Variants in SEC14L1 observed in about 807,000 individuals in gnomAD.
The protein encoded by SEC14L1 is SEC14-like protein 1.
In SEC14L1, 48 loss-of-function variants were observed where a neutral mutation model predicts 85.3. The ratio of observed to expected loss-of-function variants is 0.56; its 90% CI spans 0.45 to 0.72. The LOEUF (loss-of-function observed/expected upper bound fraction) is 0.72, where lower values mean the gene tolerates loss of function less well. Ranked by LOEUF, SEC14L1 falls within the 30% of genes least tolerant of loss-of-function variation. SEC14L1 has a pLI of 0.00. For missense variants in SEC14L1, 682 were observed against 921.4 expected, an observed-to-expected ratio of 0.74 and a Z score of 3.36; for synonymous variants, 391 against 355.5, an observed-to-expected ratio of 1.10 and a Z score of -1.12.
In SEC14L1 at chr17:77,214,222, C is replaced by T; in HGVS notation, c.*199C>T. On this transcript the variant is annotated 3_prime_UTR_variant, in exon 17 of 17. Coordinates refer to ENST00000436233, the MANE Select transcript of SEC14L1 (RefSeq NM_001143998.2). ...TTTTAACTCTGATCCTAACTTAACT[C>T]AATAGCCATAGATTTTGTATACGTT... 2.2e-6 allele frequency: 3 copies of T among 1,387,024 alleles called. No individual in the cohort carries two copies. The highest frequency in any genetic ancestry group is 2.8e-6 in the Non-Finnish European group (3 of 1,073,882). The allele number at this position is 1,387,024 out of a possible 1,614,324, so 85.9% of individuals were successfully genotyped here.
chr17:77,111,054 A>G (rs1972033537), intron 3 of SEC14L1, among the ~76,000 whole-genome samples: 1 of 146,666 alleles, frequency 6.8e-6, no homozygotes, highest in South Asian at 2.2e-4. Context: ...TTAGCCGGGT[A>G]TGGTGGCAGG....
upstream of SEC14L1, among the ~76,000 whole-genome samples, chr17:77,140,301 C>G (rs1237701552): frequency 6.6e-6 from 1 of 152,216 alleles, no homozygotes; most frequent in Admixed American, 6.5e-5. Flanking sequence ...CGGCCCGACA[C>G]TAGAGCCGTC....
In SEC14L1 at chr17:77,213,834, G is replaced by A. The variant is rs1976900688; in HGVS notation, c.2043-84G>A. 6.5e-7 allele frequency: 1 copy of A among 1,529,274 alleles called. No homozygotes were observed. Among genetic ancestry groups the A allele is most frequent in the Non-Finnish European group, 9.0e-7 (1 of 1,105,466 alleles). 94.7% of individuals were successfully genotyped at this position (1,529,274 alleles called of 1,614,324 possible). On this transcript the variant is annotated intron_variant, in intron 16 of 16. Transcript: ENST00000436233. This position sits in a 1 kb window ranked among gnomAD's most constrained non-coding sequence, Gnocchi z 7.1. Reference sequence around the variant, plus strand: ...GAGAAGTGAGCAGAGAACAGGGTGGGCCACGAAGTCCAGCAGGCAGTGTGG... The same window carrying A: ...GAGAAGTGAGCAGAGAACAGGGTGGACCACGAAGTCCAGCAGGCAGTGTGG...
intron 3 of SEC14L1, among the ~76,000 whole-genome samples, chr17:77,189,148 C>T (rs1598368218): frequency 6.6e-6 from 1 of 152,174 alleles, no homozygotes; most frequent in Admixed American, 6.5e-5. Context: ...ACACCTCATT[C>T]TATAAAACAG....
At chr17:77,095,816 CAA>C (rs11319971) in intron 3 of SEC14L1, among the ~76,000 whole-genome samples, 21 of 149,242 alleles carry the variant, frequency 1.4e-4, no homozygotes, top group South Asian at 4.3e-4. Flanking sequence ...GACTTTGTCT[CAA>C]AAAAAAAAAA....
At chr17:77,145,135 G>GTGTGTGTGTGTATA (rs1362414893) in intron 3 of SEC14L1, 17 of 143,500 alleles carry the variant, frequency 1.2e-4, no homozygotes, top group Non-Finnish European at 2.4e-4. Context: ...GTGTGTGTGT[G>GTGTGTGTGTGTATA]TATATATACA....
intron 3 of SEC14L1, among the ~76,000 whole-genome samples, chr17:77,119,040 T>C (rs1266661424): frequency 2.0e-5 from 3 of 152,156 alleles, no homozygotes; most frequent in East Asian, 3.8e-4. Context: ...CCGGGTACAG[T>C]GGCTCATGTC....
chr17:77,172,747 T>G (rs1042614299), intron 3 of SEC14L1, among the ~76,000 whole-genome samples: 3 of 152,228 alleles, frequency 2.0e-5, no homozygotes, highest in African/African-American at 7.2e-5. Flanking sequence ...TGAGCCTTTC[T>G]AAGAACTCTG....
chr17:77,143,934 A>C (rs1192153908), intron 3 of SEC14L1: 1 of 317,318 alleles, frequency 3.2e-6, no homozygotes, highest in Non-Finnish European at 5.8e-6. Flanking sequence ...GATTCTAAGC[A>C]CTTCTTCCTC....
chr17:77,204,971 A>C (rs1976389764), intron 10 of SEC14L1, among the ~76,000 whole-genome samples: 1 of 152,122 alleles, frequency 6.6e-6, no homozygotes, highest in African/African-American at 2.4e-5. Context: ...GTTCCCATGC[A>C]CTTGTTCTGA....
At chr17:77,095,674 A>C (rs1038520028) in intron 3 of SEC14L1, among the ~76,000 whole-genome samples, 4 of 152,022 alleles carry the variant, frequency 2.6e-5, no homozygotes, top group Admixed American at 2.6e-4. Flanking sequence ...AAATTCAACC[A>C]GGTGTCGTGG....
intron 2 of SEC14L1, 130 bp downstream of exon 2, chr17:77,142,880 C>T (rs1397474147): frequency 6.6e-6 from 1 of 152,172 alleles, no homozygotes; most frequent in Admixed American, 6.5e-5. Context: ...AAGGAGGGCT[C>T]CTTGACTGTG....
chr17:77,149,333 G>A (rs1400477040), intron 3 of SEC14L1, among the ~76,000 whole-genome samples: 5 of 152,204 alleles, frequency 3.3e-5, no homozygotes, highest in African/African-American at 7.2e-5. Flanking sequence ...ATGCAGATGT[G>A]TGTGACTTGT....
chr17:77,110,877 CAAAAAAAAA>C (rs1212651345), intron 3 of SEC14L1, among the ~76,000 whole-genome samples: 7 of 46,664 alleles, frequency 1.5e-4, no homozygotes, highest in African/African-American at 5.9e-4. Flanking sequence ...GACTCTGTCT[CAAAAAAAAA>C]AAAAAAAAAA....
At chr17:77,198,794 G>A (rs1014419490) in intron 8 of SEC14L1, among the ~76,000 whole-genome samples, 1 of 151,984 alleles carries the variant, frequency 6.6e-6, no homozygotes, top group African/African-American at 2.4e-5. Flanking sequence ...GGATGGTCTC[G>A]ATCTCCTGAC....
At chr17:77,180,066 A>T (rs780522285) in intron 3 of SEC14L1, among the ~76,000 whole-genome samples, 5 of 141,576 alleles carry the variant, frequency 3.5e-5, no homozygotes, top group Admixed American at 1.4e-4. Flanking sequence ...ATGTTATGTT[A>T]TGTTATGTTA....
At chr17:77,148,835 C>T (rs1269874059) in intron 3 of SEC14L1, among the ~76,000 whole-genome samples, 2 of 152,264 alleles carry the variant, frequency 1.3e-5, no homozygotes, top group Non-Finnish European at 2.9e-5. Context: ...TCCGTCCTCG[C>T]ACGTCTCAGC....
intron 9 of SEC14L1, among the ~76,000 whole-genome samples, chr17:77,203,153 T>G (rs759212760): frequency 1.3e-5 from 2 of 152,180 alleles, no homozygotes; most frequent in Non-Finnish European, 2.9e-5. Flanking sequence ...ATAGAAAAAG[T>G]GTCTGGATAG....
rs114416850 is a variant in SEC14L1, at chr17:77,166,927, C to T, written c.63+23268C>T. ...TTTGGGAAGCTGATTAGGGTGCATG[C>T]GTACTAGGCTCTCCATATATACATG... is the stretch of plus-strand genomic sequence containing the variant. On this transcript the variant is annotated intron_variant, in intron 3 of 16. Coordinates refer to ENST00000436233, the MANE Select transcript of SEC14L1 (RefSeq NM_001143998.2). 4.3e-3 allele frequency among the ~76,000 whole-genome samples: 649 copies of T among 152,252 alleles called. 3 individuals are homozygous for T. Among genetic ancestry groups the T allele is most frequent in the African/African-American group, 0.014 (597 of 41,542 alleles).
Sources: allele counts gnomAD v4.1 joint callset (sites outside exome capture counted in the v4.1 genomes callset), GRCh38; gene constraint gnomAD v4.1.1; non-coding constraint Gnocchi (gnomAD v3.1); transcripts MANE v1.5; gene names NCBI Gene and HGNC (gene_info 2026-07-23, HGNC 2026-07-21).